Variants in TBXAS1 observed in about 807,000 individuals in gnomAD.
TBXAS1 encodes the protein thromboxane A synthase 1, also known as thromboxane-A synthase.
TBXAS1 carries 48 observed loss-of-function variants against 60.7 expected under a neutral mutation model. The observed-to-expected ratio is 0.79, with a 90% confidence interval of 0.63 to 1.01. TBXAS1 has a LOEUF of 1.01. TBXAS1 is among the 50% of genes least tolerant of loss of function. The pLI, the probability that TBXAS1 is intolerant of heterozygous loss-of-function variation, is 0.00. For synonymous variants in TBXAS1, 287 were observed against 269.7 expected (o/e 1.06, Z -0.63); for missense variants, 685 against 686.3 (o/e 1.00, Z 0.02).
intron 9 of TBXAS1, among the ~76,000 whole-genome samples, chr7:139,994,997 T>C (rs1813192392): frequency 6.6e-6 from 1 of 152,164 alleles, no homozygotes; most frequent in Non-Finnish European, 1.5e-5. Flanking sequence ...GCTGCTAGAA[T>C]GGTGAGCAGA....
At chr7:140,012,084 G>A (rs985054761) in intron 10 of TBXAS1, among the ~76,000 whole-genome samples, 2 of 152,222 alleles carry the variant, frequency 1.3e-5, no homozygotes, top group African/African-American at 2.4e-5. Context: ...GTGGGAGCCC[G>A]TGTACGGGAT....
intron 5 of TBXAS1, among the ~76,000 whole-genome samples, chr7:139,949,816 G>C (rs780822879): frequency 4.6e-5 from 7 of 152,126 alleles, no homozygotes; most frequent in Non-Finnish European, 1.0e-4. Flanking sequence ...GCGGTGCCTG[G>C]CTGAGTATTT....
chr7:139,846,201 C>T (rs1256865508), intron 1 of TBXAS1, among the ~76,000 whole-genome samples: 1 of 152,144 alleles, frequency 6.6e-6, no homozygotes, highest in African/African-American at 2.4e-5. Flanking sequence ...ATAAACTACT[C>T]CCGAGCACTT....
At chr7:139,889,127 G>A (rs115476318) in intron 3 of TBXAS1, among the ~76,000 whole-genome samples, 73 of 152,044 alleles carry the variant, frequency 4.8e-4, no homozygotes, top group African/African-American at 1.8e-3. Flanking sequence ...GAGCCCAGGA[G>A]TTTGAGACAG....
chr7:139,932,981 C>T (rs1443017531), intron 4 of TBXAS1, among the ~76,000 whole-genome samples: 3 of 152,110 alleles, frequency 2.0e-5, no homozygotes, highest in African/African-American at 7.2e-5. Context: ...CGCTTGAGTC[C>T]AGAAGTTTGG....
At chr7:139,805,678 CTT>C (rs1797833604) in intron 4 of TBXAS1, among the ~76,000 whole-genome samples, 1 of 21,992 alleles carries the variant, frequency 4.5e-5, no homozygotes, top group Non-Finnish European at 7.8e-5. Context: ...TTCTTTCTTT[CTT>C]TCTTTCTTTC....
intron 10 of TBXAS1, among the ~76,000 whole-genome samples, chr7:140,011,613 C>A (rs1048058180): frequency 6.6e-6 from 1 of 152,192 alleles, no homozygotes; most frequent in Admixed American, 6.5e-5. Flanking sequence ...CTTCCCTCAC[C>A]AGGACTCACT....
At chr7:139,993,892 C>CTTTTTTTTTTTTTTTTTTTTT (rs71170931) in intron 9 of TBXAS1, among the ~76,000 whole-genome samples, 1 of 111,706 alleles carries the variant, frequency 9.0e-6, no homozygotes, top group Non-Finnish European at 1.7e-5. Context: ...TTCTTTCTTT[C>CTTTTTTTTTTTTTTTTTTTTT]TTTTTTTTTT....
intron 1 of TBXAS1, among the ~76,000 whole-genome samples, chr7:139,839,267 T>C (rs750085695): frequency 6.6e-6 from 1 of 152,124 alleles, no homozygotes; most frequent in Admixed American, 6.5e-5. Flanking sequence ...AAAGAGAAAT[T>C]TTACTAAAAA....
At chr7:139,829,090 G>A (rs1397215670), upstream of TBXAS1, 1 of 471,752 alleles carries the variant, frequency 2.1e-6, no homozygotes, top group East Asian at 5.1e-5. Context: ...CAGCAAACAT[G>A]GGGAAGTTTG....
intron 4 of TBXAS1, among the ~76,000 whole-genome samples, chr7:139,794,672 A>G (rs1318442454): frequency 1.8e-5 from 1 of 55,216 alleles, no homozygotes; most frequent in Admixed American, 2.9e-4. Context: ...CCCTCCCCCC[A>G]CCCCACAACA....
intron 3 of TBXAS1, among the ~76,000 whole-genome samples, chr7:139,877,728 CTT>C (rs902893678): frequency 1.2e-4 from 12 of 97,664 alleles, no homozygotes; most frequent in East Asian, 3.1e-4. Context: ...CAGTCTATTG[CTT>C]TTTTTTTTTT....
chr7:139,869,561 G>A (rs148929601), intron 1 of TBXAS1, among the ~76,000 whole-genome samples: 105 of 151,896 alleles, frequency 6.9e-4, no homozygotes, highest in African/African-American at 2.3e-3. Context: ...CTATTTTTTT[G>A]CATTTTTAGT....
At chr7:139,820,773 T>C (rs1798275782) in intron 4 of TBXAS1, among the ~76,000 whole-genome samples, 1 of 152,136 alleles carries the variant, frequency 6.6e-6, no homozygotes, top group Non-Finnish European at 1.5e-5. Flanking sequence ...TGCTGGTGTT[T>C]TCTACATTCT....
At chr7:139,913,767 A>G (rs8192827) in intron 4 of TBXAS1, 20,897 of 152,396 alleles carry the variant, frequency 0.14, 3,205 homozygotes, top group African/African-American at 0.37. Context: ...TCTTCCACTC[A>G]GCACAGGATT....
At chr7:139,952,506 T>G in intron 5 of TBXAS1, 1 of 1,532,604 alleles carries the variant, frequency 6.5e-7, no homozygotes, top group East Asian at 2.5e-5. Context: ...GTGATGCTAT[T>G]CTAGAATGGG....
At chr7:139,984,840 G>T (rs931411779) in intron 9 of TBXAS1, among the ~76,000 whole-genome samples, 3 of 144,526 alleles carry the variant, frequency 2.1e-5, no homozygotes, top group Non-Finnish European at 3.0e-5. Context: ...AAAGAGGAAG[G>T]AAGGAAGGAA....
intron 4 of TBXAS1, among the ~76,000 whole-genome samples, chr7:139,814,002 G>A (rs934510721): frequency 1.3e-5 from 2 of 152,162 alleles, no homozygotes; most frequent in South Asian, 2.1e-4. Flanking sequence ...CTTTTGGACC[G>A]TTTGTGTGGC....
At chr7:139,856,641 T>C (rs1004330592) in intron 1 of TBXAS1, among the ~76,000 whole-genome samples, 5 of 152,208 alleles carry the variant, frequency 3.3e-5, no homozygotes, top group Admixed American at 6.5e-5. Flanking sequence ...AACATGTGCA[T>C]GCGCAATTGA....
Sources: allele counts gnomAD v4.1 joint callset (sites outside exome capture counted in the v4.1 genomes callset), GRCh38; gene constraint gnomAD v4.1.1; transcripts MANE v1.5; gene names NCBI Gene and HGNC (gene_info 2026-07-23, HGNC 2026-07-21).